Variants in IL1RAPL1 observed in about 807,000 individuals in gnomAD.
IL1RAPL1 encodes interleukin 1 receptor accessory protein like 1.
IL1RAPL1 carries 3 observed loss-of-function variants against 48.4 expected under a neutral mutation model. The observed-to-expected ratio is 0.06, with a 90% CI of 0.03 to 0.16. The LOEUF is 0.16. IL1RAPL1 is among the 10% of genes least tolerant of loss of function. The pLI is 1.00. For missense variants in IL1RAPL1, 349 were observed against 530.6 expected, an observed-to-expected ratio of 0.66 and a Z score of 3.36; for synonymous variants, 185 against 187.7, an observed-to-expected ratio of 0.99 and a Z score of 0.12.
At chrX:29,403,546 A>G (rs1262457900) in intron 5 of IL1RAPL1, among the ~76,000 whole-genome samples, 1 of 111,899 alleles carries the variant, frequency 8.9e-6, no homozygotes, top group African/African-American at 3.2e-5. Flanking sequence ...CTACTGGGAT[A>G]TAGTTGTTTT....
At chrX:28,851,896 G>A (rs1921671583) in intron 2 of IL1RAPL1, among the ~76,000 whole-genome samples, 1 of 112,289 alleles carries the variant, frequency 8.9e-6, no homozygotes, top group Admixed American at 9.5e-5. Flanking sequence ...GGATAGCTGA[G>A]CAATCATATC....
chrX:29,333,609 G>C (rs1312593614), intron 3 of IL1RAPL1, among the ~76,000 whole-genome samples: 1 of 92,572 alleles, frequency 1.1e-5, no homozygotes, highest in Non-Finnish European at 2.2e-5. Flanking sequence ...CTCCCAGACG[G>C]GGCGGCTGGC....
intron 6 of IL1RAPL1, among the ~76,000 whole-genome samples, chrX:29,711,184 C>T (rs189960691): frequency 0.038 from 3,554 of 93,686 alleles, 173 homozygotes; most frequent in East Asian, 0.25. Flanking sequence ...CTTTTTTTTT[C>T]TTTTCTTTTT....
intron 1 of IL1RAPL1, among the ~76,000 whole-genome samples, chrX:28,740,015 G>T (rs962899447): frequency 1.8e-5 from 2 of 110,523 alleles, no homozygotes; most frequent in African/African-American, 6.6e-5. Context: ...ATAGTTTATG[G>T]CATAAAAAGT....
At chrX:28,918,731 G>A (rs1213351802) in intron 2 of IL1RAPL1, among the ~76,000 whole-genome samples, 1 of 111,683 alleles carries the variant, frequency 9.0e-6, no homozygotes, top group Non-Finnish European at 1.9e-5. Flanking sequence ...GAAAACTAAG[G>A]ATGAAGCATT....
intron 2 of IL1RAPL1, among the ~76,000 whole-genome samples, chrX:28,806,291 A>G (rs1001118455): frequency 1.8e-5 from 2 of 112,107 alleles, no homozygotes; most frequent in African/African-American, 3.2e-5. Flanking sequence ...AGCTGAAAGC[A>G]CTGAGACTAT....
At chrX:29,826,656 G>A (rs1295945582) in intron 6 of IL1RAPL1, among the ~76,000 whole-genome samples, 1 of 111,419 alleles carries the variant, frequency 9.0e-6, no homozygotes, top group African/African-American at 3.3e-5. Context: ...TTTGTGTCTA[G>A]CTTCCTTCAC....
At chrX:29,068,707 C>T (rs749566955) in intron 2 of IL1RAPL1, among the ~76,000 whole-genome samples, 10 of 111,971 alleles carry the variant, frequency 8.9e-5, no homozygotes, top group East Asian at 2.8e-4. Context: ...GAATGGGATG[C>T]GGAAGGATAA....
At chrX:28,650,624 TGGGAGCA>T (rs1934672244) in intron 1 of IL1RAPL1, among the ~76,000 whole-genome samples, 1 of 111,923 alleles carries the variant, frequency 8.9e-6, no homozygotes, top group African/African-American at 3.2e-5. Context: ...GGTGGGCCTC[TGGGAGCA>T]GCAAATAGGC....
chrX:28,721,466 T>C (rs780616936), intron 1 of IL1RAPL1, among the ~76,000 whole-genome samples: 140 of 111,872 alleles, frequency 1.3e-3, no homozygotes, highest in African/African-American at 4.4e-3. Context: ...GTAAATTTGT[T>C]TGAGTTCTTT....
At chrX:29,625,560 A>G (rs185337570) in intron 5 of IL1RAPL1, among the ~76,000 whole-genome samples, 452 of 111,871 alleles carry the variant, frequency 4.0e-3, no homozygotes, top group African/African-American at 0.014. Flanking sequence ...AAACTACACA[A>G]TTCTATATTT....
At chrX:29,099,683 G>T (rs1928292276) in intron 2 of IL1RAPL1, among the ~76,000 whole-genome samples, 2 of 111,502 alleles carry the variant, frequency 1.8e-5, no homozygotes, top group Non-Finnish European at 3.8e-5. Flanking sequence ...AGAAAACAAT[G>T]ATACCATAAC....
intron 5 of IL1RAPL1, among the ~76,000 whole-genome samples, chrX:29,408,534 A>G (rs1303895069): frequency 9.0e-6 from 1 of 111,345 alleles, no homozygotes; most frequent in African/African-American, 3.3e-5. Flanking sequence ...TAAATTTGAG[A>G]GTCAGCAAGC....
At chrX:29,669,786 T>C (rs1383603309) in intron 6 of IL1RAPL1, among the ~76,000 whole-genome samples, 1 of 111,744 alleles carries the variant, frequency 8.9e-6, no homozygotes, top group African/African-American at 3.2e-5. Context: ...CAGATAGCAT[T>C]GAAACAGTGC....
intron 2 of IL1RAPL1, among the ~76,000 whole-genome samples, chrX:28,962,254 C>G (rs1924799167): frequency 8.9e-6 from 1 of 111,993 alleles, no homozygotes; most frequent in South Asian, 3.7e-4. Context: ...ATATAGGGCT[C>G]TCTAGCAATG....
intron 5 of IL1RAPL1, among the ~76,000 whole-genome samples, chrX:29,488,744 T>A (rs1935125029): frequency 9.0e-6 from 1 of 111,537 alleles, no homozygotes; most frequent in South Asian, 3.8e-4. Context: ...GTGGTGCATA[T>A]ATAATTGGCT....
At chrX:29,222,271 C>G (rs1333601269) in intron 2 of IL1RAPL1, among the ~76,000 whole-genome samples, 1 of 111,673 alleles carries the variant, frequency 9.0e-6, no homozygotes, top group Non-Finnish European at 1.9e-5. Context: ...TGTGAGGCCA[C>G]AAACGTTAGC....
chrX:28,970,652 C>T (rs1925046842), intron 2 of IL1RAPL1, among the ~76,000 whole-genome samples: 1 of 111,172 alleles, frequency 9.0e-6, no homozygotes, highest in East Asian at 2.8e-4. Context: ...GAATGTGAAA[C>T]AAAAAGCAAC....
chrX:29,642,915 A>G (rs1242168727), intron 5 of IL1RAPL1, among the ~76,000 whole-genome samples: 2 of 112,184 alleles, frequency 1.8e-5, no homozygotes, highest in African/African-American at 3.2e-5. Context: ...TTAAACTCTA[A>G]ACTATATAAA....
Sources: allele counts gnomAD v4.1 joint callset (sites outside exome capture counted in the v4.1 genomes callset), GRCh38; gene constraint gnomAD v4.1.1; transcripts MANE v1.5; gene names NCBI Gene and HGNC (gene_info 2026-07-23, HGNC 2026-07-21).